ZCCHC17: variants seen among roughly 807,000 people sequenced by gnomAD.
ZCCHC17 encodes the protein zinc finger CCHC domain-containing protein 17.
A neutral mutation model predicts 30.6 loss-of-function variants in ZCCHC17; 18 were observed. The ratio of observed to expected loss-of-function variants is 0.59; its 90% CI spans 0.41 to 0.87. The LOEUF (loss-of-function observed/expected upper bound fraction) is 0.87. Ranked by LOEUF, ZCCHC17 falls within the 40% of genes least tolerant of loss-of-function variation. The probability of loss-of-function intolerance (pLI) is 0.00; values close to 1 mark genes in which losing one functional copy is unlikely to be tolerated. For synonymous variants in ZCCHC17, 88 were observed against 92.4 expected (o/e 0.95, Z 0.27); for missense variants, 263 against 284.2 (o/e 0.93, Z 0.54).
In ZCCHC17 at chr1:31,348,847, G is replaced by A; in HGVS notation, c.437G>A (p.Cys146Tyr). The A allele has an allele frequency of 1.9e-6, 3 of 1,612,600 alleles. No homozygotes were observed. Among genetic ancestry groups the A allele is most frequent in the African/African-American group, 2.7e-5 (2 of 74,986 alleles). Residue 146 changes from cysteine to tyrosine, a missense_variant, in exon 7 of 8, where the codon TGT becomes TAT. Cys to Tyr is a radical substitution (Grantham distance 194). Transcript: ENST00000344147. The part of the protein sequence containing the change: ...CGCKGHFAKD[C>Y]FMQPGGTKYS... ...TCTGCAGGCCACTTTGCAAAAGATT[G>A]TTTCATGCAACCAGGTGGGACTAAA...
intron 1 of ZCCHC17, among the ~76,000 whole-genome samples, chr1:31,300,658 G>C (rs892752205): frequency 6.6e-6 from 1 of 151,964 alleles, no homozygotes; most frequent in Non-Finnish European, 1.5e-5. Context: ...GGTTTAGGCC[G>C]GGTGCTGTGG....
intron 1 of ZCCHC17, among the ~76,000 whole-genome samples, chr1:31,305,527 C>T (rs1329644843): frequency 1.3e-5 from 2 of 152,200 alleles, no homozygotes; most frequent in African/African-American, 2.4e-5. Flanking sequence ...TGACCTCAAG[C>T]GATCCACCCA....
At chr1:31,334,409 G>A (rs566397395) in intron 3 of ZCCHC17, among the ~76,000 whole-genome samples, 2 of 149,698 alleles carry the variant, frequency 1.3e-5, no homozygotes, top group Middle Eastern at 3.4e-3. Flanking sequence ...GTGGGAGAAT[G>A]AGAATAGAGG....
rs139788109 is a variant in ZCCHC17, at chr1:31,338,937, C to CT, written c.226-13dup. ...ATGATGTATTTAAAGTTTTTGGTGA[C>CT]TTTTTTTGGTCTCTTTCAGATGAAA... On this transcript the variant is annotated intron_variant, in intron 4 of 7. Coordinates refer to ENST00000344147, the MANE Select transcript of ZCCHC17 (RefSeq NM_016505.4). The CT allele has an allele frequency of 4.9e-3, 7,675 of 1,574,134 alleles. 490 individuals are homozygous for CT. In the East Asian group the frequency reaches 0.14, roughly 29 times the overall value.
intron 5 of ZCCHC17, among the ~76,000 whole-genome samples, chr1:31,344,227 G>GTGA (rs1639158832): frequency 1.3e-5 from 2 of 152,114 alleles, no homozygotes; most frequent in Non-Finnish European, 2.9e-5. Context: ...CTGGTCTCAA[G>GTGA]TGATACTCCC....
chr1:31,341,224 T>C (rs1342306936), intron 5 of ZCCHC17, among the ~76,000 whole-genome samples: 2 of 152,224 alleles, frequency 1.3e-5, no homozygotes, highest in East Asian at 3.8e-4. Flanking sequence ...AGGCTGATTA[T>C]TGACAAAATA....
At chr1:31,354,918 T>C (rs543372457) in intron 7 of ZCCHC17, among the ~76,000 whole-genome samples, 22 of 152,296 alleles carry the variant, frequency 1.4e-4, no homozygotes, top group Admixed American at 4.6e-4. Flanking sequence ...CTCATGCCTG[T>C]AATCCCAGCA....
At chr1:31,346,611 G>T in intron 5 of ZCCHC17, 29 bp from the exon 6 acceptor site, 1 of 1,588,366 alleles carries the variant, frequency 6.3e-7, no homozygotes, top group Non-Finnish European at 8.6e-7. Flanking sequence ...TCTTAAGGGG[G>T]CCGGCAGTCG....
chr1:31,332,322 C>T (rs897360721), intron 3 of ZCCHC17, among the ~76,000 whole-genome samples: 7 of 152,110 alleles, frequency 4.6e-5, no homozygotes, highest in African/African-American at 1.4e-4. Context: ...CATTCAAGAT[C>T]GAGGGCGAGG....
intron 1 of ZCCHC17, among the ~76,000 whole-genome samples, chr1:31,308,677 C>A (rs2148412662): frequency 6.6e-6 from 1 of 152,292 alleles, no homozygotes; most frequent in East Asian, 1.9e-4. Context: ...CTGGTTTCCC[C>A]TCTGTTTAAG....
At chr1:31,321,990 C>T (rs1250739652) in intron 3 of ZCCHC17, among the ~76,000 whole-genome samples, 1 of 152,140 alleles carries the variant, frequency 6.6e-6, no homozygotes, top group Non-Finnish European at 1.5e-5. Flanking sequence ...TGGTGAGGGA[C>T]CTGTTCTGTA....
At chr1:31,307,504 G>A (rs1278181096) in intron 1 of ZCCHC17, among the ~76,000 whole-genome samples, 1 of 148,486 alleles carries the variant, frequency 6.7e-6, no homozygotes, top group Non-Finnish European at 1.5e-5. Context: ...CCACCTCACC[G>A]GTTCAAGTGA....
chr1:31,337,072 C>T lies in ZCCHC17; in HGVS notation c.125-103C>T, dbSNP rs992303303. 4 of 1,087,190 alleles carry T rather than the reference C, an allele frequency of 3.7e-6. No individual in the cohort carries two copies. In the South Asian group the frequency reaches 7.1e-5, roughly 19 times the overall value. 67.3% of individuals were successfully genotyped at this position (1,087,190 alleles called of 1,614,324 possible). A position where few individuals can be genotyped will look rare whatever the true frequency, so the allele number is the denominator to read the frequency against. ...TTTCACGCTTTTCAGTAAAAATTTT[C>T]ATTTTTCCCTTGCATTCCCCAACTC... On this transcript the variant is annotated intron_variant, in intron 3 of 7. Transcript: ENST00000344147.
chr1:31,340,831 T>C (rs1025797492), intron 5 of ZCCHC17, among the ~76,000 whole-genome samples: 3 of 152,350 alleles, frequency 2.0e-5, no homozygotes, highest in Admixed American at 6.5e-5. Flanking sequence ...TGGGATCTTA[T>C]TGGTGAAAAG....
chr1:31,346,560 A>C (rs34746219), intron 5 of ZCCHC17, 80 bp from the exon 6 acceptor site: 204,573 of 1,446,926 alleles, frequency 0.14, 15,515 homozygotes, highest in African/African-American at 0.17. Context: ...AAAACAAAAA[A>C]CCAACATACA....
intron 5 of ZCCHC17, among the ~76,000 whole-genome samples, chr1:31,339,396 C>T (rs1345053656): frequency 2.0e-5 from 3 of 152,110 alleles, no homozygotes; most frequent in South Asian, 2.1e-4. Flanking sequence ...CCCAGCTACT[C>T]GGGAGACTGA....
chr1:31,364,304 C>T lies in ZCCHC17; in HGVS notation c.*111C>T, dbSNP rs752780172. 4.9e-6 allele frequency: 7 copies of T among 1,443,118 alleles called. No individual in the cohort carries two copies. Among genetic ancestry groups the T allele is most frequent in the South Asian group, 4.7e-5 (3 of 63,706 alleles). 89.4% of individuals were successfully genotyped at this position (1,443,118 alleles called of 1,614,324 possible). On this transcript the variant is annotated 3_prime_UTR_variant, in exon 8 of 8. Coordinates refer to ENST00000344147, the MANE Select transcript of ZCCHC17 (RefSeq NM_016505.4). ...ATATAGCCTCCCACCCCATTAACTT[C>T]GCTCCCATGGGAGATGGCTTCCCCT...
intron 1 of ZCCHC17, among the ~76,000 whole-genome samples, chr1:31,302,880 C>G (rs1202629974): frequency 6.6e-6 from 1 of 152,190 alleles, no homozygotes; most frequent in African/African-American, 2.4e-5. Context: ...CACTAGGTCC[C>G]TCCCCCAACA....
intron 3 of ZCCHC17, among the ~76,000 whole-genome samples, chr1:31,319,582 T>G (rs1569800194): frequency 6.6e-6 from 1 of 152,202 alleles, no homozygotes; most frequent in South Asian, 2.1e-4. Context: ...TATAATGTTT[T>G]AAGTTTTTTT....
Sources: gnomAD v4.1 joint callset for allele counts (sites outside exome capture counted in the v4.1 genomes callset) on GRCh38, gnomAD v4.1.1 for gene constraint, MANE v1.5 for transcripts, NCBI Gene and HGNC (gene_info 2026-07-23, HGNC 2026-07-21) for gene names.